TSPAN9: variants seen among roughly 807,000 people sequenced by gnomAD.
TSPAN9 encodes tetraspanin-9.
Under a neutral mutation model 31.0 loss-of-function variants are expected in TSPAN9, and 16 were observed. The observed-to-expected ratio is 0.52, with a 90% CI of 0.35 to 0.78. The LOEUF (loss-of-function observed/expected upper bound fraction) is 0.78, where lower values mean the gene tolerates loss of function less well. Among genes scored for constraint, TSPAN9 ranks in the 30% least tolerant of loss-of-function variants. The pLI, the probability that TSPAN9 is intolerant of heterozygous loss-of-function variation, is 0.01. For missense variants in TSPAN9, 272 were observed against 312.5 expected, an observed-to-expected ratio of 0.87 and a Z score of 0.98; for synonymous variants, 145 against 121.6, an observed-to-expected ratio of 1.19 and a Z score of -1.27.
chr12:3,155,239 A>G (rs2098341651), intron 2 of TSPAN9, among the ~76,000 whole-genome samples: 1 of 152,162 alleles, frequency 6.6e-6, no homozygotes. Flanking sequence ...TGGGGAATAT[A>G]AAGAGCATAA....
chr12:3,209,958 CAAAAAAAAAAA>C (rs57719008), intron 3 of TSPAN9, among the ~76,000 whole-genome samples: 4 of 49,762 alleles, frequency 8.0e-5, no homozygotes, highest in Admixed American at 3.1e-4. Flanking sequence ...GACTCTGTCC[CAAAAAAAAAAA>C]AAAAAAAAAA....
chr12:3,111,432 T>C (rs1436980932), intron 2 of TSPAN9, among the ~76,000 whole-genome samples: 3 of 152,188 alleles, frequency 2.0e-5, no homozygotes, highest in Non-Finnish European at 4.4e-5. Flanking sequence ...CTAGTATCTC[T>C]GAGCTTCTCT....
At chr12:3,142,632 G>A (rs561086753) in intron 2 of TSPAN9, among the ~76,000 whole-genome samples, 2 of 152,032 alleles carry the variant, frequency 1.3e-5, no homozygotes, top group African/African-American at 2.4e-5. Flanking sequence ...CTCCCTGCTC[G>A]CCCCTGCCCC....
At chr12:3,135,860 G>A (rs533189824) in intron 2 of TSPAN9, among the ~76,000 whole-genome samples, 1 of 152,340 alleles carries the variant, frequency 6.6e-6, no homozygotes, top group East Asian at 1.9e-4. Context: ...ACATTCTTGA[G>A]AAGCGGCTGT....
At chr12:3,135,131 A>G (rs2098331525) in intron 2 of TSPAN9, among the ~76,000 whole-genome samples, 1 of 152,144 alleles carries the variant, frequency 6.6e-6, no homozygotes, top group Non-Finnish European at 1.5e-5. Context: ...CACCCAAGCT[A>G]GAGTGCAGTG....
Position 3,131,052 on chromosome 12 carries a change from G to A in TSPAN9, c.-18+47333G>A, listed in dbSNP as rs189289523. Among the ~76,000 whole-genome samples, 9 of 151,182 alleles carry A rather than the reference G, an allele frequency of 6.0e-5. No homozygotes were observed. In the South Asian group the frequency reaches 1.7e-3, roughly 28 times the overall value. On this transcript the variant is annotated intron_variant, in intron 2 of 8. Transcript: ENST00000011898. Reference sequence around the variant, plus strand: ...GCTCTTTGCTGTGCTGCATCTCCTCGCCTCCTTTGACGGGGTACACACGCT... The same window carrying A: ...GCTCTTTGCTGTGCTGCATCTCCTCACCTCCTTTGACGGGGTACACACGCT...
At chr12:3,206,914 G>GA (rs2098375565) in intron 3 of TSPAN9, among the ~76,000 whole-genome samples, 1 of 152,226 alleles carries the variant, frequency 6.6e-6, no homozygotes, top group Non-Finnish European at 1.5e-5. Context: ...GATCAGACTA[G>GA]AGGGTCCAGG....
chr12:3,226,736 GTGTGTGTGTATATATATATATATATA>G lies in TSPAN9; in HGVS notation c.63+25482_63+25507del, dbSNP rs2098387597. 5.5e-3 allele frequency among the ~76,000 whole-genome samples: 61 copies of G among 11,088 alleles called. 6 individuals carry two copies. The highest frequency in any genetic ancestry group is 0.024 in the East Asian group (6 of 254). The allele number at this position is 11,088 out of a possible 152,430, so 7.3% of individuals were successfully genotyped here. ...TGTATGTATGTGTGTGTGTGTGTGT[GTGTGTGTGTATATATATATATATATA>G]TATATATATATATATATATATATAT... On this transcript the variant is annotated intron_variant, in intron 3 of 8. Transcript: ENST00000011898.
At chr12:3,116,214 GC>G (rs1453317420) in intron 2 of TSPAN9, among the ~76,000 whole-genome samples, 14 of 152,344 alleles carry the variant, frequency 9.2e-5, no homozygotes, top group African/African-American at 3.4e-4. Flanking sequence ...CAAGGCTGCT[GC>G]CCCTATAAGC....
At chr12:3,184,169 C>T (rs10848819) in intron 2 of TSPAN9, among the ~76,000 whole-genome samples, 30,359 of 151,890 alleles carry the variant, frequency 0.2, 3,408 homozygotes, top group Middle Eastern at 0.33. Context: ...GTGGGCAGCT[C>T]GCTTGAGTTC....
chr12:3,176,533 C>T (rs925472831), intron 2 of TSPAN9, among the ~76,000 whole-genome samples: 1 of 152,176 alleles, frequency 6.6e-6, no homozygotes, highest in Non-Finnish European at 1.5e-5. Context: ...GACATTCCGT[C>T]CACATCTGTT....
intron 2 of TSPAN9, among the ~76,000 whole-genome samples, chr12:3,175,443 C>T (rs140168628): frequency 1.3e-5 from 2 of 152,214 alleles, no homozygotes; most frequent in African/African-American, 2.4e-5. Context: ...TAGAGAGCTG[C>T]AGACACCAGG....
intron 3 of TSPAN9, among the ~76,000 whole-genome samples, chr12:3,270,622 C>T (rs1214207790): frequency 6.6e-6 from 1 of 152,242 alleles, no homozygotes; most frequent in Non-Finnish European, 1.5e-5. Flanking sequence ...GCCAACCCTG[C>T]TCCCAGCTAG....
intron 1 of TSPAN9, among the ~76,000 whole-genome samples, chr12:3,081,844 G>GTGTGTGTATA (rs57812985): frequency 0.054 from 6,254 of 116,648 alleles, 311 homozygotes; most frequent in Middle Eastern, 0.14. Context: ...GTCTGTGTGT[G>GTGTGTGTATA]TATATATATG....
chr12:3,245,696 C>T (rs1440316779), intron 3 of TSPAN9, among the ~76,000 whole-genome samples: 1 of 152,172 alleles, frequency 6.6e-6, no homozygotes, highest in African/African-American at 2.4e-5. Flanking sequence ...CTCCCAACCC[C>T]CAACACGCTT....
At chr12:3,226,729 T>C (rs1162853171) in intron 3 of TSPAN9, among the ~76,000 whole-genome samples, 1 of 13,376 alleles carries the variant, frequency 7.5e-5, no homozygotes, top group African/African-American at 2.2e-4. Flanking sequence ...TGTGTGTGTG[T>C]GTGTGTGTGT....
intron 3 of TSPAN9, among the ~76,000 whole-genome samples, chr12:3,212,085 C>A (rs1480535006): frequency 6.6e-6 from 1 of 152,182 alleles, no homozygotes; most frequent in Non-Finnish European, 1.5e-5. Flanking sequence ...AATTCTTATG[C>A]CTCAGCCTCC....
At chr12:3,109,275 T>TGTGTGTGTGTGTGTGAGA (rs1357372283) in intron 2 of TSPAN9, among the ~76,000 whole-genome samples, 1 of 123,976 alleles carries the variant, frequency 8.1e-6, no homozygotes, top group East Asian at 2.1e-4. Context: ...AGTCTGTGTG[T>TGTGTGTGTGTGTGTGAGA]GTGTGTGTGT....
chr12:3,264,466 G>A (rs75991117), intron 3 of TSPAN9, among the ~76,000 whole-genome samples: 4,627 of 152,338 alleles, frequency 0.03, 132 homozygotes, highest in Non-Finnish European at 0.038. Context: ...AATCGGGAAA[G>A]CAAGCCGCCT....
Sources: allele counts gnomAD v4.1 joint callset (sites outside exome capture counted in the v4.1 genomes callset), GRCh38; gene constraint gnomAD v4.1.1; transcripts MANE v1.5; gene names NCBI Gene and HGNC (gene_info 2026-07-23, HGNC 2026-07-21).